Variants in HGD observed in about 807,000 individuals in gnomAD.
HGD encodes the protein homogentisate 1,2-dioxygenase, also known as homogentisate oxidase.
Under a neutral mutation model 60.8 loss-of-function variants are expected in HGD, and 61 were observed. The ratio of observed to expected loss-of-function variants is 1.00; its 90% CI spans 0.82 to 1.24. The LOEUF (loss-of-function observed/expected upper bound fraction) is 1.24, where lower values mean the gene tolerates loss of function less well. Among genes scored for constraint, HGD ranks in the 50% most tolerant of loss-of-function variants. The pLI, the probability that HGD is intolerant of heterozygous loss-of-function variation, is 0.00. For synonymous variants in HGD, 212 were observed against 187.7 expected, an observed-to-expected ratio of 1.13 and a Z score of -1.06; for missense variants, 542 against 547.1, an observed-to-expected ratio of 0.99 and a Z score of 0.09.
chr3:120,644,758 G>A (rs1941108928), intron 9 of HGD: 5 of 594,520 alleles, frequency 8.4e-6, no homozygotes, highest in South Asian at 1.9e-5. Context: ...ACTGAAAAGA[G>A]GAAAAGGGAA....
At chr3:120,628,643 A>T in intron 13 of HGD, 114 bp from the exon 14 acceptor site, 12 of 1,234,384 alleles carry the variant, frequency 9.7e-6, no homozygotes, top group South Asian at 1.2e-5. Context: ...AACAAATCAA[A>T]GATTTGTGTG....
chr3:120,664,672 C>A (rs571992567), intron 4 of HGD, among the ~76,000 whole-genome samples: 2 of 152,098 alleles, frequency 1.3e-5, no homozygotes, highest in Non-Finnish European at 2.9e-5. Context: ...CTCAAGTGAA[C>A]CTCTCATCTT....
intron 12 of HGD, among the ~76,000 whole-genome samples, chr3:120,635,435 C>T (rs574722520): frequency 1.1e-4 from 16 of 144,786 alleles, no homozygotes; most frequent in Non-Finnish European, 2.4e-4. Flanking sequence ...CAAGATGGCG[C>T]CACTGCACTC....
chr3:120,631,451 C>A (rs145419390), intron 13 of HGD, among the ~76,000 whole-genome samples: 3,283 of 152,200 alleles, frequency 0.022, 51 homozygotes, highest in Middle Eastern at 0.058. Context: ...CCTGTATCAT[C>A]ATATCTCATG....
At chr3:120,660,489 A>C (rs1464060265) in intron 4 of HGD, among the ~76,000 whole-genome samples, 1 of 152,230 alleles carries the variant, frequency 6.6e-6, no homozygotes, top group Non-Finnish European at 1.5e-5. Context: ...ATAGGCAAGA[A>C]TATAGATAAT....
chr3:120,648,759 T>C (rs1941241633), intron 6 of HGD, among the ~76,000 whole-genome samples: 1 of 152,238 alleles, frequency 6.6e-6, no homozygotes, highest in African/African-American at 2.4e-5. Context: ...AAGGCACATG[T>C]TCTCAGGATC....
intron 10 of HGD, 96 bp downstream of exon 10, chr3:120,644,223 A>C: frequency 7.1e-7 from 1 of 1,417,446 alleles, no homozygotes; most frequent in Non-Finnish European, 9.9e-7. Flanking sequence ...TAACAACGAA[A>C]GGATATATGT....
chr3:120,667,434 G>C (rs1222940866), intron 4 of HGD, among the ~76,000 whole-genome samples: 1 of 151,652 alleles, frequency 6.6e-6, no homozygotes, highest in Non-Finnish European at 1.5e-5. Context: ...CCTATGAAAG[G>C]GTGTATTCAT....
intron 7 of HGD, 58 bp downstream of exon 7, chr3:120,647,819 G>C (rs983951958): frequency 3.9e-6 from 5 of 1,269,834 alleles, no homozygotes; most frequent in Non-Finnish European, 5.8e-6. Context: ...AAATTAGAAA[G>C]CAGCTTGCGG....
At position 120,628,527 on chromosome 3, in the gene HGD, T is replaced by G. The variant is rs137923025; in HGVS notation, c.1191A>C (p.Ala397=). The part of the protein sequence containing the change: ...APERIADGTM[A]FMFESSLSLA... Reference sequence around the variant, plus strand: ...GACTTAAAGATGATTCAAACATAAATGCCTGGAGGAAGTGACGATGGGGAT... The same window carrying G: ...GACTTAAAGATGATTCAAACATAAAGGCCTGGAGGAAGTGACGATGGGGAT... Residue 397 remains alanine (A), a splice_region_variant and synonymous_variant, in exon 14 of 14, where the codon GCA becomes GCC. Coordinates refer to ENST00000283871, the MANE Select transcript of HGD (RefSeq NM_000187.4). 0.026 allele frequency: 41,380 copies of G among 1,613,844 alleles called. 604 individuals are homozygous for G. The highest frequency in any genetic ancestry group is 0.043 in the Middle Eastern group (259 of 6,054).
chr3:120,656,555 C>CT lies in HGD; in HGVS notation c.283-3905dup, dbSNP rs999048289. On this transcript the variant is annotated intron_variant, in intron 4 of 13. Coordinates refer to ENST00000283871, the MANE Select transcript of HGD (RefSeq NM_000187.4). ...CAAGAATAAAGTAAATTTTTGAGAT[C>CT]TTTTTTTTGGGGGGGGGTTGGAGTC... 2.1e-4 allele frequency among the ~76,000 whole-genome samples: 24 copies of CT among 114,292 alleles called. No individual in the cohort carries two copies. The South Asian group carries it at 4.0e-3, about 19-fold the overall frequency. 75.0% of individuals were successfully genotyped at this position (114,292 alleles called of 152,430 possible). A position where few individuals can be genotyped will look rare whatever the true frequency, so the allele number is the denominator to read the frequency against.
intron 3 of HGD, among the ~76,000 whole-genome samples, chr3:120,673,963 C>T (rs1408173772): frequency 6.6e-6 from 1 of 152,158 alleles, no homozygotes; most frequent in Non-Finnish European, 1.5e-5. Flanking sequence ...GAAAAGGAGC[C>T]AGGATTTATA....
intron 12 of HGD, among the ~76,000 whole-genome samples, chr3:120,636,242 C>T (rs530574056): frequency 6.6e-4 from 99 of 150,770 alleles, no homozygotes; most frequent in Non-Finnish European, 1.2e-3. Context: ...ATTGTGCCAC[C>T]TGCACTCCAG....
chr3:120,631,636 C>T (rs942795655), intron 13 of HGD, among the ~76,000 whole-genome samples: 9 of 152,194 alleles, frequency 5.9e-5, no homozygotes, highest in African/African-American at 2.2e-4. Flanking sequence ...AAAGCCCCAT[C>T]CCAGCTGACT....
At chr3:120,675,729 C>T in intron 2 of HGD, 63 bp downstream of exon 2, 1 of 1,338,494 alleles carries the variant, frequency 7.5e-7, no homozygotes, top group Non-Finnish European at 1.1e-6. Context: ...GGCACTTTGG[C>T]CTGAAAGCTA....
In HGD at chr3:120,633,185, C is replaced by T; in HGVS notation, c.1150G>A (p.Val384Ile). Residue 384 changes from valine (V) to isoleucine (I), a missense_variant, in exon 13 of 14, where the codon GTC (valine) becomes ATC (isoleucine). Transcript: ENST00000283871. ...GCAATCCTCTCAGGTGCCAGCTTGA[C>T]CTTGCTGGCCTTCTCAAAGCAGTCA... ...DADCFEKASK[V>I]KLAPERIADG... is the part of the protein sequence containing the mutation. The T allele has an allele frequency of 6.2e-7, 1 of 1,614,106 alleles. No individual in the cohort carries two copies. The highest frequency in any genetic ancestry group is 8.5e-7 in the Non-Finnish European group (1 of 1,180,008).
At chr3:120,630,064 C>T (rs1940535135) in intron 13 of HGD, among the ~76,000 whole-genome samples, 2 of 152,144 alleles carry the variant, frequency 1.3e-5, no homozygotes, top group South Asian at 4.1e-4. Flanking sequence ...ATACCCCTAA[C>T]CAGAGAGGTG....
At position 120,664,823 on chromosome 3, in the gene HGD, G is replaced by A. The variant is rs150027809; in HGVS notation, c.282+5604C>T. On this transcript the variant is annotated intron_variant, in intron 4 of 13. Transcript: ENST00000283871. ...ATGTACAAAAAGAAAGGACTGGAAA[G>A]AACCCAAAACATTAGAAGTTGTTAA... Among the ~76,000 whole-genome samples, 511 of 152,286 alleles carry A rather than the reference G, an allele frequency of 3.4e-3. 6 individuals carry two copies. Among genetic ancestry groups the A allele is most frequent in the African/African-American group, 0.012 (482 of 41,560 alleles).
chr3:120,644,200 C>T (rs779356573), intron 10 of HGD, 119 bp downstream of exon 10: 60 of 1,172,048 alleles, frequency 5.1e-5, no homozygotes, highest in African/African-American at 1.1e-4. Flanking sequence ...TTTGTAGTGC[C>T]GTAGTGGTAT....
Sources: gnomAD v4.1 joint callset for allele counts (sites outside exome capture counted in the v4.1 genomes callset) on GRCh38, gnomAD v4.1.1 for gene constraint, MANE v1.5 for transcripts, NCBI Gene and HGNC (gene_info 2026-07-23, HGNC 2026-07-21) for gene names.